Variants in NCOA2 observed in about 807,000 individuals in gnomAD.
NCOA2 encodes the protein class E basic helix-loop-helix protein 75.
In NCOA2, 21 loss-of-function variants were observed where a neutral mutation model predicts 145.1. The ratio of observed to expected loss-of-function variants is 0.14; its 90% CI spans 0.10 to 0.21. NCOA2 has a LOEUF of 0.21. Ranked by LOEUF, NCOA2 falls within the 10% of genes least tolerant of loss-of-function variation. The pLI is 1.00. For missense variants in NCOA2, 1,472 were observed against 1,837.6 expected, an observed-to-expected ratio of 0.80 and a Z score of 3.64; for synonymous variants, 619 against 637.5, an observed-to-expected ratio of 0.97 and a Z score of 0.44.
the NCOA2 span, among the ~76,000 whole-genome samples, chr8:70,440,589 G>A: frequency 4.7e-5 from 7 of 150,318 alleles, no homozygotes; most frequent in African/African-American, 1.7e-4. Flanking sequence ...GAGAGACTGA[G>A]ACAAGGAAGG....
At chr8:70,257,224 A>G (rs184977077) in intron 2 of NCOA2, among the ~76,000 whole-genome samples, 2 of 152,352 alleles carry the variant, frequency 1.3e-5, no homozygotes, top group East Asian at 3.9e-4. Flanking sequence ...AAAACTTCAT[A>G]TATCAGTTAC....
intron 4 of NCOA2, among the ~76,000 whole-genome samples, chr8:70,187,110 T>C (rs1243049384): frequency 6.6e-6 from 1 of 152,160 alleles, no homozygotes; most frequent in African/African-American, 2.4e-5. Flanking sequence ...CACTCAGAAA[T>C]TGACATGCCT....
chr8:70,145,947 A>C (rs2131949357), intron 12 of NCOA2, among the ~76,000 whole-genome samples: 1 of 152,304 alleles, frequency 6.6e-6, no homozygotes, highest in East Asian at 1.9e-4. Flanking sequence ...AGTAATTTCA[A>C]ATATATAACT....
At chr8:70,447,909 T>C in the NCOA2 span, among the ~76,000 whole-genome samples, 4 of 152,134 alleles carry the variant, frequency 2.6e-5, no homozygotes, top group Admixed American at 1.3e-4. Context: ...GGTCTCAAAC[T>C]CCTGGGCTCA....
At chr8:70,124,213 A>T in intron 20 of NCOA2, 131 bp from the exon 21 acceptor site, 1 of 832,194 alleles carries the variant, frequency 1.2e-6, no homozygotes, top group Non-Finnish European at 1.8e-6. Context: ...CCAGGCTGAG[A>T]CAGCCGGCAG....
At chr8:70,441,967 GAGAA>G in the NCOA2 span, among the ~76,000 whole-genome samples, 5 of 133,968 alleles carry the variant, frequency 3.7e-5, no homozygotes, top group African/African-American at 1.4e-4. Context: ...AAGAAAGAGA[GAGAA>G]AGAAAGAGGA....
intron 1 of NCOA2, among the ~76,000 whole-genome samples, chr8:70,334,764 A>G (rs1462721935): frequency 2.0e-5 from 3 of 152,134 alleles, no homozygotes; most frequent in African/African-American, 7.2e-5. Flanking sequence ...CAATTATCAA[A>G]AAGTAGAGAC....
chr8:70,222,101 C>G (rs1820189951), intron 2 of NCOA2, among the ~76,000 whole-genome samples: 1 of 151,976 alleles, frequency 6.6e-6, no homozygotes, highest in South Asian at 2.1e-4. Context: ...TGTACAGAAT[C>G]AAAAAACTGT....
chr8:70,336,749 T>C (rs749218339), intron 1 of NCOA2, among the ~76,000 whole-genome samples: 1 of 152,102 alleles, frequency 6.6e-6, no homozygotes, highest in Non-Finnish European at 1.5e-5. Flanking sequence ...AGGCCCCTCC[T>C]CCAACATGTG....
upstream of NCOA2, among the ~76,000 whole-genome samples, chr8:70,405,711 CTTG>C (rs913597401): frequency 8.2e-6 from 1 of 122,602 alleles, no homozygotes; most frequent in Non-Finnish European, 1.8e-5. Flanking sequence ...GATTCTCCTT[CTTG>C]CTTGCTATCC....
chr8:70,373,999 C>T (rs1811445013), intron 1 of NCOA2, among the ~76,000 whole-genome samples: 1 of 152,164 alleles, frequency 6.6e-6, no homozygotes, highest in African/African-American at 2.4e-5. Flanking sequence ...AGTCTTTGCA[C>T]TTCCATATGA....
At chr8:70,117,598 C>T (rs1807293510) in intron 22 of NCOA2, among the ~76,000 whole-genome samples, 1 of 152,256 alleles carries the variant, frequency 6.6e-6, no homozygotes, top group African/African-American at 2.4e-5. Flanking sequence ...TGTTGGCCTT[C>T]TCCAATGTTA....
chr8:70,265,811 T>TG (rs1223666557), intron 2 of NCOA2, among the ~76,000 whole-genome samples: 1 of 149,238 alleles, frequency 6.7e-6, no homozygotes, highest in African/African-American at 2.6e-5. Flanking sequence ...AACTTCAGTT[T>TG]TTTGTTGTTG....
At chr8:70,248,615 A>G (rs541996409) in intron 2 of NCOA2, among the ~76,000 whole-genome samples, 2 of 152,292 alleles carry the variant, frequency 1.3e-5, no homozygotes, top group East Asian at 3.9e-4. Context: ...CCTGGATATA[A>G]AAGGTATAGA....
chr8:70,146,162 T>C (rs1398336014), intron 12 of NCOA2, among the ~76,000 whole-genome samples: 1 of 152,200 alleles, frequency 6.6e-6, no homozygotes, highest in Non-Finnish European at 1.5e-5. Flanking sequence ...TCATTAGAAG[T>C]TAAAAATTTT....
At chr8:70,159,236 A>ATTT (rs1554578474) in intron 10 of NCOA2, among the ~76,000 whole-genome samples, 1 of 16,046 alleles carries the variant, frequency 6.2e-5, no homozygotes, top group African/African-American at 1.4e-4. Context: ...ATATATATAT[A>ATTT]TATATATTTT....
chr8:70,449,391 A>G, the NCOA2 span, among the ~76,000 whole-genome samples: 2 of 152,234 alleles, frequency 1.3e-5, no homozygotes, highest in African/African-American at 4.8e-5. Context: ...AATTACAATA[A>G]TCCAGAGGGA....
intron 2 of NCOA2, among the ~76,000 whole-genome samples, chr8:70,265,696 C>T (rs149594792): frequency 2.6e-5 from 4 of 152,296 alleles, no homozygotes; most frequent in African/African-American, 9.6e-5. Context: ...AATGCCATCC[C>T]TACTGTTCTG....
intron 2 of NCOA2, among the ~76,000 whole-genome samples, chr8:70,294,201 T>C (rs561040868): frequency 6.6e-6 from 1 of 152,250 alleles, no homozygotes; most frequent in East Asian, 1.9e-4. Flanking sequence ...ATTTCTTCAA[T>C]AGTTAAAGTA....
Sources: allele counts gnomAD v4.1 joint callset (sites outside exome capture counted in the v4.1 genomes callset), GRCh38; gene constraint gnomAD v4.1.1; transcripts MANE v1.5; gene names NCBI Gene and HGNC (gene_info 2026-07-23, HGNC 2026-07-21).